The following CDK5RAP1 variants were observed in gnomAD, a reference collection of about 807,000 sequenced individuals.
CDK5RAP1 encodes the protein mitochondrial tRNA methylthiotransferase CDK5RAP1.
In CDK5RAP1, 62 loss-of-function variants were observed where a neutral mutation model predicts 64.5. That is an observed-to-expected ratio of 0.96 (90% CI 0.78 to 1.19). The LOEUF is 1.19. Among genes scored for constraint, CDK5RAP1 ranks in the 50% most tolerant of loss-of-function variants. The pLI is 0.00. For missense variants in CDK5RAP1, 657 were observed against 735.0 expected (o/e 0.89, Z 1.23); for synonymous variants, 250 against 261.9 (o/e 0.95, Z 0.44).
intron 3 of CDK5RAP1, 96 bp from the exon 4 acceptor site, chr20:33,394,162 TCC>T: frequency 2.2e-6 from 2 of 897,836 alleles, no homozygotes; most frequent in Non-Finnish European, 1.8e-6. Context: ...TATTTTTTTT[TCC>T]TTTTTTTTTT....
chr20:33,374,924 GGAGGCCAAGGCAGGAGGATTGCTT>G, intron 8 of CDK5RAP1, among the ~76,000 whole-genome samples: 1 of 151,858 alleles, frequency 6.6e-6, no homozygotes, highest in South Asian at 2.1e-4. Context: ...CAGCACTTTG[GGAGGCCAAGGCAGGAGGATTGCTT>G]GAGGCCAAGA....
At chr20:33,400,130 T>C (rs1019123341) in intron 1 of CDK5RAP1, among the ~76,000 whole-genome samples, 3 of 152,232 alleles carry the variant, frequency 2.0e-5, no homozygotes, top group Non-Finnish European at 4.4e-5. Flanking sequence ...GAGAAACTAA[T>C]TCCGTGGCCA....
chr20:33,389,191 C>T (rs1400355147), intron 5 of CDK5RAP1, among the ~76,000 whole-genome samples: 3 of 151,952 alleles, frequency 2.0e-5, no homozygotes, highest in Non-Finnish European at 4.4e-5. Context: ...GCGTCTCTGC[C>T]CGGCCACCCA....
intron 5 of CDK5RAP1, among the ~76,000 whole-genome samples, chr20:33,388,038 A>T (rs1376632002): frequency 1.3e-5 from 2 of 151,790 alleles, no homozygotes; most frequent in Non-Finnish European, 2.9e-5. Flanking sequence ...ATTGTACTCC[A>T]GCCTGGGCAA....
intron 12 of CDK5RAP1, among the ~76,000 whole-genome samples, chr20:33,362,567 T>C (rs557927260): frequency 4.1e-4 from 62 of 152,208 alleles, no homozygotes; most frequent in Non-Finnish European, 8.2e-4. Context: ...ATGCCAGAAA[T>C]AGTAAATCAG....
intron 5 of CDK5RAP1, among the ~76,000 whole-genome samples, chr20:33,389,590 G>T (rs979896426): frequency 4.6e-5 from 7 of 151,138 alleles, no homozygotes; most frequent in Non-Finnish European, 8.9e-5. Flanking sequence ...GGGAGTAGGG[G>T]GCAGCCCCCG....
chr20:33,363,432 T>C (rs1469184995), intron 12 of CDK5RAP1, among the ~76,000 whole-genome samples: 1 of 152,210 alleles, frequency 6.6e-6, no homozygotes, highest in Non-Finnish European at 1.5e-5. Flanking sequence ...ACTACAGTTA[T>C]CTAGGAGAAT....
At position 33,387,400 on chromosome 20, in the gene CDK5RAP1, G is replaced by A. The variant is rs374125091; in HGVS notation, c.678C>T (p.Asn226=). ...AVAESGQQAA[N]VLLSLDETYA... ...AGGTCTCGTCCAGAGAGAGCAGCAC[G>A]TTGGCAGCTTGCTGGCCCGACTCAG... The change falls in exon 6 of 14, where the codon AAC becomes AAT. Residue 226 remains asparagine, a synonymous_variant. Coordinates refer to ENST00000346416, the MANE Select transcript of CDK5RAP1 (RefSeq NM_016408.4). The A allele has an allele frequency of 7.3e-5, 118 of 1,614,156 alleles. No individual in the cohort carries two copies. The East Asian group carries it at 8.0e-4, about 11-fold the overall frequency.
chr20:33,366,917 T>C lies in CDK5RAP1; in HGVS notation c.1484A>G (p.Glu495Gly), dbSNP rs1385159642. Residue 495 changes from glutamate (E) to glycine (G), a missense_variant, in exon 12 of 14, where the codon GAA becomes GGA. Transcript: ENST00000346416. ...LEELITIFREEATKANQTSVG... is the reference protein window; with the variant it reads ...LEELITIFREGATKANQTSVG... Reference sequence around the variant, plus strand: ...AGAGGTCTGATTGGCTTTTGTTGCTTCTTCTCGGAAGATAGTGATGAGTTC... The same window carrying C: ...AGAGGTCTGATTGGCTTTTGTTGCTCCTTCTCGGAAGATAGTGATGAGTTC... 1 of 1,613,984 alleles carries C rather than the reference T, an allele frequency of 6.2e-7. No homozygotes were observed. Among genetic ancestry groups the C allele is most frequent in the Non-Finnish European group, 8.5e-7 (1 of 1,180,014 alleles).
intron 5 of CDK5RAP1, among the ~76,000 whole-genome samples, chr20:33,389,447 G>A (rs1468535784): frequency 6.6e-6 from 1 of 152,132 alleles, no homozygotes; most frequent in Non-Finnish European, 1.5e-5. Context: ...CGACTGGGAA[G>A]TGAGGAGCGT....
At chr20:33,390,233 C>A (rs1183349979) in intron 5 of CDK5RAP1, among the ~76,000 whole-genome samples, 2 of 150,272 alleles carry the variant, frequency 1.3e-5, no homozygotes, top group African/African-American at 4.9e-5. Flanking sequence ...ATGATCACGC[C>A]ACTGCACTCC....
chr20:33,395,489 G>C lies in CDK5RAP1; in HGVS notation c.305-373C>G, dbSNP rs574477516. Among the ~76,000 whole-genome samples, 39 of 152,228 alleles carry C rather than the reference G, an allele frequency of 2.6e-4. No homozygotes were observed. The East Asian group carries it at 7.1e-3, about 28-fold the overall frequency. ...CAAGTGATACATGCCTGTGGTCCCA[G>C]CTACTCAGGAGGCTGAGGTAGAACT... On this transcript the variant is annotated intron_variant, in intron 2 of 13. Transcript: ENST00000346416.
At chr20:33,372,723 G>A (rs768781056) in intron 9 of CDK5RAP1, 26 bp from the exon 10 acceptor site, 1 of 1,524,878 alleles carries the variant, frequency 6.6e-7, no homozygotes, top group East Asian at 2.3e-5. Flanking sequence ...AAAGGAAAAG[G>A]CCTACATAAA....
At chr20:33,361,029 G>T (rs188597474) in intron 12 of CDK5RAP1, among the ~76,000 whole-genome samples, 2 of 152,346 alleles carry the variant, frequency 1.3e-5, no homozygotes, top group East Asian at 3.9e-4. Context: ...CCATGGTAAA[G>T]AGACAGAAAC....
chr20:33,383,123 G>T (rs1030007679), intron 7 of CDK5RAP1, among the ~76,000 whole-genome samples: 2 of 152,130 alleles, frequency 1.3e-5, no homozygotes, highest in South Asian at 2.1e-4. Context: ...GGAGGTTGCG[G>T]TGAGCCAAGA....
Position 33,379,482 on chromosome 20 carries a change from G to A in CDK5RAP1, c.1086C>T (p.His362=). The A allele has an allele frequency of 6.2e-7, 1 of 1,613,038 alleles. No individual in the cohort carries two copies. The highest frequency in any genetic ancestry group is 1.1e-5 in the South Asian group (1 of 91,048). Residue 362 remains histidine, a synonymous_variant, in exon 8 of 14, where the codon CAC becomes CAT. Coordinates refer to ENST00000346416, the MANE Select transcript of CDK5RAP1 (RefSeq NM_016408.4). ...PEMRIRFTSP[H]PKDFPDEVLQ... ...TCACCTCATCAGGAAAATCCTTGGG[G>A]TGGGGAGAGGTAAAACGGATCCTCA...
Position 33,358,913 on chromosome 20 carries a change from C to A in CDK5RAP1, c.*130G>T. ...CAGCTTTAAAGAGACACGTTTTCCA[C>A]TGACATAAAGTTGCTTCGCCCCTTG... On this transcript the variant is annotated 3_prime_UTR_variant, in exon 14 of 14. Coordinates refer to ENST00000346416, the MANE Select transcript of CDK5RAP1 (RefSeq NM_016408.4). The A allele has an allele frequency of 1.5e-6, 1 of 668,030 alleles. No homozygotes were observed. The highest frequency in any genetic ancestry group is 2.7e-6 in the Non-Finnish European group (1 of 376,646). The allele number at this position is 668,030 out of a possible 1,614,324, so 41.4% of individuals were successfully genotyped here. A position where few individuals can be genotyped will look rare whatever the true frequency, so the allele number is the denominator to read the frequency against.
In CDK5RAP1 at chr20:33,392,233, A is replaced by G. The variant is rs761040107; in HGVS notation, c.453T>C (p.Ala151=). Residue 151 remains alanine (A), a synonymous_variant, in exon 5 of 14, where the codon GCT becomes GCC. Coordinates refer to ENST00000346416, the MANE Select transcript of CDK5RAP1 (RefSeq NM_016408.4). ...LLVTCSIREK[A]EQTIWNRLHQ... ...GTAAACGGTTCCAGATGGTCTGCTC[A>G]GCCTTCTCCCTAGAGAGATCAAAGG... 2.5e-6 allele frequency: 4 copies of G among 1,612,414 alleles called. No individual in the cohort carries two copies. Among genetic ancestry groups the G allele is most frequent in the East Asian group, 4.5e-5 (2 of 44,874 alleles).
At chr20:33,391,485 A>G (rs1988316844) in intron 5 of CDK5RAP1, among the ~76,000 whole-genome samples, 1 of 152,138 alleles carries the variant, frequency 6.6e-6, no homozygotes, top group South Asian at 2.1e-4. Context: ...TCTTCACTTG[A>G]GCTTGCTTCA....
Sources: gnomAD v4.1 joint callset for allele counts (sites outside exome capture counted in the v4.1 genomes callset) on GRCh38, gnomAD v4.1.1 for gene constraint, MANE v1.5 for transcripts, NCBI Gene and HGNC (gene_info 2026-07-23, HGNC 2026-07-21) for gene names.